PLG: variants seen among roughly 807,000 people sequenced by gnomAD.
The protein encoded by PLG is plasmin.
Under a neutral mutation model 104.4 loss-of-function variants are expected in PLG, and 41 were observed. The ratio of observed to expected loss-of-function variants is 0.39; its 90% CI spans 0.31 to 0.51. PLG has a LOEUF of 0.51. Ranked by LOEUF, PLG falls within the 20% of genes least tolerant of loss-of-function variation. The probability of loss-of-function intolerance (pLI) is 0.76; values close to 1 mark genes in which losing one functional copy is unlikely to be tolerated. For synonymous variants in PLG, 337 were observed against 357.1 expected, an observed-to-expected ratio of 0.94 and a Z score of 0.63; for missense variants, 891 against 1,003.6, an observed-to-expected ratio of 0.89 and a Z score of 1.52.
Position 160,710,482 on chromosome 6 carries a change from C to G in PLG, c.293-595C>G, listed in dbSNP as rs1424705218. 2.0e-5 allele frequency among the ~76,000 whole-genome samples: 3 copies of G among 151,808 alleles called. No individual in the cohort carries two copies. In the East Asian group the frequency reaches 5.8e-4, roughly 29 times the overall value. On this transcript the variant is annotated intron_variant, in intron 3 of 18. Coordinates refer to ENST00000308192, the MANE Select transcript of PLG (RefSeq NM_000301.5). The stretch of plus-strand genomic sequence containing the variant: ...GACTGTTTTAAACACAGGAGAGGGC[C>G]CGTTGTCTAACTGGTGAGTTGGTTG...
At position 160,733,775 on chromosome 6, in the gene PLG, T is replaced by C. The variant is rs4252140; in HGVS notation, c.1588-220T>C. On this transcript the variant is annotated intron_variant, in intron 12 of 18. Transcript: ENST00000308192. ...AGGAGAATCGCTTGAACCCAGGAGA[T>C]GGAGGTTGCAGTGAGCTGAGATCAT... Among the ~76,000 whole-genome samples, 728 of 138,640 alleles carry C rather than the reference T, an allele frequency of 5.3e-3. 7 individuals are homozygous for C. The highest frequency in any genetic ancestry group is 0.024 in the Middle Eastern group (6 of 246). The allele number at this position is 138,640 out of a possible 152,430, so 91.0% of individuals were successfully genotyped here.
intron 10 of PLG, chr6:160,730,840 T>G: frequency 1.9e-6 from 1 of 520,768 alleles, no homozygotes; most frequent in Non-Finnish European, 3.4e-6. Flanking sequence ...TACTTTTGAT[T>G]TTTTAAAGAA....
Position 160,714,831 on chromosome 6 carries a change from C to T in PLG, c.585C>T (p.Gly195=). ...CMHCSGENYD[G]KISKTMSGLE... ...ATTGCAGTGGAGAAAACTATGACGG[C>T]AAAATTTCCAAGACCATGTCTGGAC... Residue 195 remains glycine, a synonymous_variant, in exon 6 of 19, where the codon GGC becomes GGT. Coordinates refer to ENST00000308192, the MANE Select transcript of PLG (RefSeq NM_000301.5). 1 of 1,613,660 alleles carries T rather than the reference C, an allele frequency of 6.2e-7. No individual in the cohort carries two copies. The highest frequency in any genetic ancestry group is 8.5e-7 in the Non-Finnish European group (1 of 1,179,602).
In PLG at chr6:160,741,470, T is replaced by C. The variant is rs1562381435; in HGVS notation, c.2125+53T>C. On this transcript the variant is annotated intron_variant, in intron 17 of 18. Transcript: ENST00000308192. This position sits in a 1 kb window ranked among gnomAD's most constrained non-coding sequence, Gnocchi z 4.7. ...CGAATTGGTTTTGACCTACAGTCCATGTGACAAAATGATCATTTTGGAGAA... is the reference window on the plus strand; with the variant it reads ...CGAATTGGTTTTGACCTACAGTCCACGTGACAAAATGATCATTTTGGAGAA... 4.0e-6 allele frequency: 4 copies of C among 992,016 alleles called. No individual in the cohort carries two copies. Among genetic ancestry groups the C allele is most frequent in the Non-Finnish European group, 4.9e-6 (3 of 614,900 alleles). The allele number at this position is 992,016 out of a possible 1,614,324, so 61.5% of individuals were successfully genotyped here. A position where few individuals can be genotyped will look rare whatever the true frequency, so the allele number is the denominator to read the frequency against.
At position 160,738,414 on chromosome 6, in the gene PLG, A is replaced by G; in HGVS notation, c.1803-124A>G. 1 of 748,084 alleles carries G rather than the reference A, an allele frequency of 1.3e-6. No individual in the cohort carries two copies. The highest frequency in any genetic ancestry group is 2.4e-6 in the Non-Finnish European group (1 of 408,646). 46.3% of individuals were successfully genotyped at this position (748,084 alleles called of 1,614,324 possible). On this transcript the variant is annotated intron_variant, in intron 14 of 18. Transcript: ENST00000308192. The surrounding 1 kb of genome is among the most constrained non-coding windows in gnomAD (Gnocchi z 6.8). ...ACTACCATCCTGATGCTGGGCTTGC[A>G]GTCCTTTCCTTTGGGAATATGAACA...
Position 160,725,648 on chromosome 6 carries a change from C to T in PLG, c.1256+3081C>T, listed in dbSNP as rs1049762105. On this transcript the variant is annotated intron_variant, in intron 10 of 18. Transcript: ENST00000308192. This position sits in a 1 kb window ranked among gnomAD's most constrained non-coding sequence, Gnocchi z 6.3. ...GCATATTAAATATAAAGGGATTAAA[C>T]ATTGCACAGAAAAGGCAGAGATTAT... is the stretch of plus-strand genomic sequence containing the variant. Among the ~76,000 whole-genome samples the T allele has an allele frequency of 5.3e-5, 8 of 152,012 alleles. No homozygotes were observed. The highest frequency in any genetic ancestry group is 1.7e-4 in the African/African-American group (7 of 41,400).
In PLG at chr6:160,704,310, G is replaced by C. The variant is rs1214221751; in HGVS notation, c.49+1957G>C. ...GGATATTTCCTAGGGACATGAGCTGGGGAGGGGATCTCAGCAGCGATGCGC... is the reference window on the plus strand; with the variant it reads ...GGATATTTCCTAGGGACATGAGCTGCGGAGGGGATCTCAGCAGCGATGCGC... On this transcript the variant is annotated intron_variant, in intron 1 of 18. Transcript: ENST00000308192. Among the ~76,000 whole-genome samples, 3 of 152,234 alleles carry C rather than the reference G, an allele frequency of 2.0e-5. No individual in the cohort carries two copies. In the East Asian group the frequency reaches 5.8e-4, roughly 29 times the overall value.
chr6:160,736,750 T>C lies in PLG; in HGVS notation c.1682-137T>C, dbSNP rs1778087631. 2 of 1,116,530 alleles carry C rather than the reference T, an allele frequency of 1.8e-6. No homozygotes were observed. Among genetic ancestry groups the C allele is most frequent in the Non-Finnish European group, 2.6e-6 (2 of 757,100 alleles). 69.2% of individuals were successfully genotyped at this position (1,116,530 alleles called of 1,614,324 possible). A position where few individuals can be genotyped will look rare whatever the true frequency, so the allele number is the denominator to read the frequency against. On this transcript the variant is annotated intron_variant, in intron 13 of 18. Coordinates refer to ENST00000308192, the MANE Select transcript of PLG (RefSeq NM_000301.5). This position sits in a 1 kb window ranked among gnomAD's most constrained non-coding sequence, Gnocchi z 5.2. ...CCACTTTTGAAACTTAGAGAAAATG[T>C]TCCAAAAGATGATGATTTTACTATT...
chr6:160,752,496 C>T lies in PLG; in HGVS notation c.2271+236C>T, dbSNP rs1778419784. On this transcript the variant is annotated intron_variant, in intron 18 of 18. Coordinates refer to ENST00000308192, the MANE Select transcript of PLG (RefSeq NM_000301.5). The surrounding 1 kb of genome is among the most constrained non-coding windows in gnomAD (Gnocchi z 4.7). Reference sequence around the variant, plus strand: ...AAGCGAGTTTTAAGTGCCATAACTACCTCAGGCCACTCACCCTCCTGGGGT... The same window carrying T: ...AAGCGAGTTTTAAGTGCCATAACTATCTCAGGCCACTCACCCTCCTGGGGT... Among the ~76,000 whole-genome samples the T allele has an allele frequency of 6.6e-6, 1 of 152,136 alleles. No individual in the cohort carries two copies. Among genetic ancestry groups the T allele is most frequent in the African/African-American group, 2.4e-5 (1 of 41,422 alleles).
In PLG at chr6:160,740,580, C is replaced by T. The variant is rs1436178119; in HGVS notation, c.2019-731C>T. ...TGATGCTCAGAAGCAGAAAGTGTGC[C>T]TGCTTCAAAGTTGGTGACGATGATG... On this transcript the variant is annotated intron_variant, in intron 16 of 18. Coordinates refer to ENST00000308192, the MANE Select transcript of PLG (RefSeq NM_000301.5). This position sits in a 1 kb window ranked among gnomAD's most constrained non-coding sequence, Gnocchi z 5.2. Among the ~76,000 whole-genome samples, 1 of 152,136 alleles carries T rather than the reference C, an allele frequency of 6.6e-6. No individual in the cohort carries two copies. The highest frequency in any genetic ancestry group is 1.5e-5 in the Non-Finnish European group (1 of 68,024).
In PLG at chr6:160,735,558, G is replaced by A. The variant is rs987610152; in HGVS notation, c.1682-1329G>A. 6.6e-6 allele frequency among the ~76,000 whole-genome samples: 1 copy of A among 152,226 alleles called. No individual in the cohort carries two copies. Among genetic ancestry groups the A allele is most frequent in the Non-Finnish European group, 1.5e-5 (1 of 68,040 alleles). On this transcript the variant is annotated intron_variant, in intron 13 of 18. Transcript: ENST00000308192. The surrounding 1 kb of genome is among the most constrained non-coding windows in gnomAD (Gnocchi z 5.4). ...GTGAGGTTAACCCCAAGCCTGGTGA[G>A]AAGCGTTCCCATCAGACACTTGGAA...
In PLG at chr6:160,738,863, G is replaced by A. The variant is rs1172705399; in HGVS notation, c.1878-205G>A. ...CAGAACAGAGCTGTTCACTACCATAGGCTGTATCAGTCTCTGCCCAAACAG... is the reference window on the plus strand; with the variant it reads ...CAGAACAGAGCTGTTCACTACCATAAGCTGTATCAGTCTCTGCCCAAACAG... On this transcript the variant is annotated intron_variant, in intron 15 of 18. Coordinates refer to ENST00000308192, the MANE Select transcript of PLG (RefSeq NM_000301.5). This position sits in a 1 kb window ranked among gnomAD's most constrained non-coding sequence, Gnocchi z 6.8. 1.7e-4 allele frequency among the ~76,000 whole-genome samples: 26 copies of A among 152,036 alleles called. No homozygotes were observed. The highest frequency in any genetic ancestry group is 3.7e-4 in the Non-Finnish European group (25 of 68,000).
rs933040184 is a variant in PLG, at chr6:160,731,543, T to C, written c.1439-202T>C. Among the ~76,000 whole-genome samples, 5 of 152,216 alleles carry C rather than the reference T, an allele frequency of 3.3e-5. 1 individual carries two copies. The highest frequency in any genetic ancestry group is 1.5e-5 in the Non-Finnish European group (1 of 68,044). ...ATTCGTATTCTATCATGCTGCCATA[T>C]GTGTGATTCTTTCCAAGCCAGTAAG... On this transcript the variant is annotated intron_variant, in intron 11 of 18. Coordinates refer to ENST00000308192, the MANE Select transcript of PLG (RefSeq NM_000301.5). This position sits in a 1 kb window ranked among gnomAD's most constrained non-coding sequence, Gnocchi z 5.1.
intron 9 of PLG, among the ~76,000 whole-genome samples, chr6:160,720,857 A>G (rs1018666943): frequency 6.6e-6 from 1 of 152,126 alleles, no homozygotes; most frequent in African/African-American, 2.4e-5. Context: ...TACCCACAAC[A>G]TTCATGTTGT....
At chr6:160,721,186 T>G (rs1404839100) in intron 9 of PLG, among the ~76,000 whole-genome samples, 1 of 152,226 alleles carries the variant, frequency 6.6e-6, no homozygotes, top group Non-Finnish European at 1.5e-5. Context: ...TCTGATAGTT[T>G]CCAGATGGCG....
At position 160,738,745 on chromosome 6, in the gene PLG, G is replaced by A. The variant is rs187881636; in HGVS notation, c.1877+133G>A. 3 of 748,762 alleles carry A rather than the reference G, an allele frequency of 4.0e-6. No individual in the cohort carries two copies. In the South Asian group the frequency reaches 4.5e-5, roughly 11 times the overall value. The allele number at this position is 748,762 out of a possible 1,614,324, so 46.4% of individuals were successfully genotyped here. The stretch of plus-strand genomic sequence containing the variant: ...GGCTGTGACACTAGGGACCAGGCCA[G>A]GGCAATTGGATAAGAGAGAAGGGAA... On this transcript the variant is annotated intron_variant, in intron 15 of 18. Coordinates refer to ENST00000308192, the MANE Select transcript of PLG (RefSeq NM_000301.5). This position sits in a 1 kb window ranked among gnomAD's most constrained non-coding sequence, Gnocchi z 6.8.
chr6:160,723,153 T>C lies in PLG; in HGVS notation c.1256+586T>C, dbSNP rs2115167795. On this transcript the variant is annotated intron_variant, in intron 10 of 18. Coordinates refer to ENST00000308192, the MANE Select transcript of PLG (RefSeq NM_000301.5). The surrounding 1 kb of genome is among the most constrained non-coding windows in gnomAD (Gnocchi z 4.7). Reference sequence around the variant, plus strand: ...TATGTACACATATATGTGTGTATATTAGAATATATATAACATAAATATGTA... The same window carrying C: ...TATGTACACATATATGTGTGTATATCAGAATATATATAACATAAATATGTA... 7.2e-6 allele frequency among the ~76,000 whole-genome samples: 1 copy of C among 139,640 alleles called. No homozygotes were observed. Among genetic ancestry groups the C allele is most frequent in the East Asian group, 1.9e-4 (1 of 5,144 alleles). 91.6% of individuals were successfully genotyped at this position (139,640 alleles called of 152,430 possible). A position where few individuals can be genotyped will look rare whatever the true frequency, so the allele number is the denominator to read the frequency against.
intron 5 of PLG, 95 bp from the exon 6 acceptor site, chr6:160,714,699 C>T (rs1452995768): frequency 1.6e-6 from 2 of 1,269,250 alleles, no homozygotes; most frequent in East Asian, 2.3e-5. Flanking sequence ...GCAAGTCGCA[C>T]TTAAGTGAGT....
At chr6:160,730,450 C>G (rs1235417843) in intron 10 of PLG, among the ~76,000 whole-genome samples, 1 of 152,220 alleles carries the variant, frequency 6.6e-6, no homozygotes, top group Admixed American at 6.5e-5. Flanking sequence ...ACCCACTTGA[C>G]ACACCTGATA....
Sources: gnomAD v4.1 joint callset for allele counts (sites outside exome capture counted in the v4.1 genomes callset) on GRCh38, gnomAD v4.1.1 for gene constraint, Gnocchi (gnomAD v3.1) non-coding constraint, MANE v1.5 for transcripts, NCBI Gene and HGNC (gene_info 2026-07-23, HGNC 2026-07-21) for gene names.